Variants in PIK3C2G observed in about 807,000 individuals in gnomAD.
The protein encoded by PIK3C2G is phosphatidylinositol 3-kinase C2 domain-containing subunit gamma.
In PIK3C2G, 168 loss-of-function variants were observed where a neutral mutation model predicts 181.1. The observed-to-expected ratio is 0.93, with a 90% CI of 0.82 to 1.05. The LOEUF (loss-of-function observed/expected upper bound fraction) is 1.05, where lower values mean the gene tolerates loss of function less well. Ranked by LOEUF, PIK3C2G falls within the 50% of genes least tolerant of loss-of-function variation. PIK3C2G has a pLI of 0.00. For missense variants in PIK3C2G, 1,869 were observed against 1,732.8 expected (o/e 1.08, Z -1.40); for synonymous variants, 573 against 592.2 (o/e 0.97, Z 0.47).
the PIK3C2G span, among the ~76,000 whole-genome samples, chr12:18,713,253 G>A: frequency 6.6e-6 from 1 of 152,016 alleles, no homozygotes; most frequent in African/African-American, 2.4e-5. Context: ...TACAAGGCTT[G>A]GTTTTCAGTA....
the PIK3C2G span, among the ~76,000 whole-genome samples, chr12:18,673,451 A>G: frequency 6.6e-6 from 1 of 152,170 alleles, no homozygotes; most frequent in African/African-American, 2.4e-5. Flanking sequence ...ATGGAATTCT[A>G]AAACTATTAG....
intron 6 of PIK3C2G, among the ~76,000 whole-genome samples, chr12:18,317,854 A>G (rs1038076349): frequency 1.3e-5 from 2 of 152,264 alleles, no homozygotes; most frequent in Non-Finnish European, 2.9e-5. Context: ...AATGTGAATA[A>G]TAACAGTTCT....
intron 18 of PIK3C2G, among the ~76,000 whole-genome samples, chr12:18,462,927 AT>A (rs1357553415): frequency 1.5e-4 from 23 of 149,252 alleles, no homozygotes; most frequent in African/African-American, 5.4e-4. Flanking sequence ...GCAAACAAAC[AT>A]TTTAAAAAAA....
intron 18 of PIK3C2G, among the ~76,000 whole-genome samples, chr12:18,482,106 A>AC (rs1939616281): frequency 6.6e-6 from 1 of 152,038 alleles, no homozygotes; most frequent in African/African-American, 2.4e-5. Context: ...GTCCAATTTA[A>AC]AACTTCGTTT....
intron 31 of PIK3C2G, among the ~76,000 whole-genome samples, chr12:18,627,612 A>T (rs1416465568): frequency 6.6e-6 from 1 of 152,088 alleles, no homozygotes; most frequent in East Asian, 1.9e-4. Context: ...TGCTGACATC[A>T]CTCCTCAGCC....
chr12:18,538,061 A>T, intron 24 of PIK3C2G, 95 bp from the exon 25 acceptor site: 1 of 1,236,246 alleles, frequency 8.1e-7, no homozygotes, highest in Non-Finnish European at 1.1e-6. Context: ...AAAAAAAAAG[A>T]AAATTCAAAT....
chr12:18,614,099 C>T (rs1948480595), intron 31 of PIK3C2G, among the ~76,000 whole-genome samples: 1 of 152,012 alleles, frequency 6.6e-6, no homozygotes, highest in Non-Finnish European at 1.5e-5. Context: ...GCACTTCAAT[C>T]TAAATAAATG....
Position 18,254,005 on chromosome 12 carries a change from C to T in PIK3C2G, c.-79+5923C>T, listed in dbSNP as rs192653026. On this transcript the variant is annotated intron_variant, in intron 1 of 11. Transcript: ENST00000535651. ...TCTGAGGCTGCTCCAAAGAGACAAA[C>T]CTGAGTAAGAAAAAAAAAGATGCAT... 2.5e-3 allele frequency among the ~76,000 whole-genome samples: 331 copies of T among 132,056 alleles called. 3 individuals are homozygous for T. The highest frequency in any genetic ancestry group is 8.3e-3 in the African/African-American group (316 of 38,040). The allele number at this position is 132,056 out of a possible 152,430, so 86.6% of individuals were successfully genotyped here.
At chr12:18,529,058 G>C (rs541959788) in intron 24 of PIK3C2G, among the ~76,000 whole-genome samples, 2 of 151,392 alleles carry the variant, frequency 1.3e-5, no homozygotes, top group Admixed American at 6.6e-5. Flanking sequence ...ATCTTTGGAA[G>C]ATGCCATGAT....
At chr12:18,343,465 CA>C in intron 10 of PIK3C2G, 105 bp downstream of exon 10, 2 of 553,972 alleles carry the variant, frequency 3.6e-6, no homozygotes, top group East Asian at 3.1e-5. Flanking sequence ...TGGTAACACA[CA>C]ACACACACAC....
chr12:18,692,819 G>C, the PIK3C2G span: 1 of 1,554,590 alleles, frequency 6.4e-7, no homozygotes, highest in African/African-American at 1.4e-5. Flanking sequence ...AGGATGACAA[G>C]CTCTAACAAC....
At chr12:18,522,106 T>C (rs1343475964) in intron 24 of PIK3C2G, among the ~76,000 whole-genome samples, 1 of 152,204 alleles carries the variant, frequency 6.6e-6, no homozygotes, top group Non-Finnish European at 1.5e-5. Flanking sequence ...CCTGGATACC[T>C]TAATTGCCAG....
chr12:18,448,955 C>G (rs1019900377), intron 18 of PIK3C2G, among the ~76,000 whole-genome samples: 1 of 151,922 alleles, frequency 6.6e-6, no homozygotes, highest in African/African-American at 2.4e-5. Context: ...TGTGAGACTG[C>G]AGATATCTCT....
At chr12:18,566,470 T>C (rs1945641686) in intron 28 of PIK3C2G, among the ~76,000 whole-genome samples, 1 of 152,212 alleles carries the variant, frequency 6.6e-6, no homozygotes, top group Non-Finnish European at 1.5e-5. Flanking sequence ...AGTCAGACTC[T>C]TGGGGAAAGT....
At chr12:18,533,292 A>G (rs1943655697) in intron 24 of PIK3C2G, among the ~76,000 whole-genome samples, 1 of 152,120 alleles carries the variant, frequency 6.6e-6, no homozygotes, top group Admixed American at 6.5e-5. Context: ...AATATAACTT[A>G]AGCTCAAAGC....
intron 31 of PIK3C2G, among the ~76,000 whole-genome samples, chr12:18,633,410 G>A (rs186730056): frequency 2.7e-3 from 406 of 152,246 alleles, no homozygotes; most frequent in African/African-American, 8.5e-3. Context: ...TCACATTGTC[G>A]TAGTTGGTAT....
At chr12:18,538,068 A>T in intron 24 of PIK3C2G, 88 bp from the exon 25 acceptor site, 1 of 1,293,782 alleles carries the variant, frequency 7.7e-7, no homozygotes, top group South Asian at 1.4e-5. Context: ...AAGAAAATTC[A>T]AATGAAAATA....
chr12:18,399,604 C>A, intron 15 of PIK3C2G, 55 bp from the exon 16 acceptor site: 1 of 1,105,228 alleles, frequency 9.0e-7, no homozygotes, highest in Non-Finnish European at 1.3e-6. Context: ...TTTATAGCAA[C>A]ATTTGTTAGT....
chr12:18,713,225 A>G, the PIK3C2G span, among the ~76,000 whole-genome samples: 1 of 151,920 alleles, frequency 6.6e-6, no homozygotes, highest in Non-Finnish European at 1.5e-5. Flanking sequence ...CAAATGTTTT[A>G]CTCTTCCGTG....
Sources: allele counts gnomAD v4.1 joint callset (sites outside exome capture counted in the v4.1 genomes callset), GRCh38; gene constraint gnomAD v4.1.1; transcripts MANE v1.5; gene names NCBI Gene and HGNC (gene_info 2026-07-23, HGNC 2026-07-21).